Variants in MBD5 observed in about 807,000 individuals in gnomAD.
MBD5 encodes methyl-CpG-binding domain protein 5.
A neutral mutation model predicts 117.3 loss-of-function variants in MBD5; 13 were observed. The observed-to-expected ratio is 0.11, with a 90% CI of 0.07 to 0.18. The LOEUF (loss-of-function observed/expected upper bound fraction) is 0.18. Ranked by LOEUF, MBD5 falls within the 10% of genes least tolerant of loss-of-function variation. The pLI is 1.00. For missense variants in MBD5, 1,879 were observed against 2,093.8 expected (o/e 0.90, Z 2.00); for synonymous variants, 727 against 766.4 (o/e 0.95, Z 0.85).
intron 3 of MBD5, among the ~76,000 whole-genome samples, chr2:148,281,803 T>G (rs2106385193): frequency 6.6e-6 from 1 of 152,280 alleles, no homozygotes; most frequent in East Asian, 1.9e-4. Context: ...ATATAATGGT[T>G]TATCCCCAAA....
intron 4 of MBD5, among the ~76,000 whole-genome samples, chr2:148,383,879 A>C (rs1255753055): frequency 6.6e-6 from 1 of 152,224 alleles, no homozygotes; most frequent in Non-Finnish European, 1.5e-5. Flanking sequence ...ATCTCAATAA[A>C]TGTAGAAAAG....
intron 2 of MBD5, among the ~76,000 whole-genome samples, chr2:148,228,572 C>T (rs1393628476): frequency 6.6e-6 from 1 of 151,966 alleles, no homozygotes; most frequent in Non-Finnish European, 1.5e-5. Flanking sequence ...CTAAAATTCT[C>T]TTTTTGCTGT....
rs2105131988 is a variant in MBD5, at chr2:148,490,401, G to A, written c.4769G>A (p.Ser1590Asn). 3 of 1,614,138 alleles carry A rather than the reference G, an allele frequency of 1.9e-6. No individual in the cohort carries two copies. The highest frequency in any genetic ancestry group is 2.2e-5 in the East Asian group (1 of 44,874). ...GTGCCTAGCCCTTCAGATGCTAAAA[G>A]CATTAGTAGTGAAGATGACCTAAGG... Reference protein sequence around the residue: ...GCVPSPSDAKSISSEDDLRNP... With the variant: ...GCVPSPSDAKNISSEDDLRNP... Residue 1590 changes from serine to asparagine, a missense_variant, in exon 11 of 14, where the codon AGC (serine) becomes AAC (asparagine). Transcript: ENST00000642680.
intron 4 of MBD5, among the ~76,000 whole-genome samples, chr2:148,356,648 G>A (rs867903521): frequency 8.6e-5 from 13 of 151,990 alleles, no homozygotes; most frequent in South Asian, 2.1e-4. Context: ...CAATTTTTCC[G>A]TTTTCTTAGA....
intron 1 of MBD5, among the ~76,000 whole-genome samples, chr2:148,116,385 C>A (rs1696643239): frequency 6.6e-6 from 1 of 152,112 alleles, no homozygotes; most frequent in Non-Finnish European, 1.5e-5. Context: ...GTTGAAATGT[C>A]CTGCCAGACC....
chr2:148,151,260 A>G (rs1412760622), intron 1 of MBD5, among the ~76,000 whole-genome samples: 1 of 151,860 alleles, frequency 6.6e-6, no homozygotes, highest in Non-Finnish European at 1.5e-5. Context: ...ATTTGCATAT[A>G]TTGAACCAGC....
chr2:148,283,449 G>A (rs143129286), intron 3 of MBD5, among the ~76,000 whole-genome samples: 283 of 152,174 alleles, frequency 1.9e-3, no homozygotes, highest in African/African-American at 6.5e-3. Flanking sequence ...AGAATCCTTT[G>A]CTCTTTCAGT....
Position 148,245,950 on chromosome 2 carries a change from T to C in MBD5, c.-680+12555T>C, listed in dbSNP as rs564223463. ...CTTTTGCTTAGCTGTAAAGTATAGA[T>C]GAAAATATTAAACTGATTGGTATGT... is the stretch of plus-strand genomic sequence containing the variant. On this transcript the variant is annotated intron_variant, in intron 3 of 13. Coordinates refer to ENST00000642680, the MANE Select transcript of MBD5 (RefSeq NM_001378120.1). Among the ~76,000 whole-genome samples, 242 of 152,280 alleles carry C rather than the reference T, an allele frequency of 1.6e-3. 4 individuals are homozygous for C. In the South Asian group the frequency reaches 0.05, roughly 31 times the overall value.
intron 1 of MBD5, among the ~76,000 whole-genome samples, chr2:148,084,717 A>G (rs959684102): frequency 3.9e-5 from 6 of 152,116 alleles, no homozygotes; most frequent in Non-Finnish European, 5.9e-5. Flanking sequence ...GTGCATTACC[A>G]TGAAATTTTT....
chr2:148,501,380 G>T (rs1681866897), intron 11 of MBD5, among the ~76,000 whole-genome samples: 1 of 152,124 alleles, frequency 6.6e-6, no homozygotes, highest in Admixed American at 6.5e-5. Flanking sequence ...GGATTGGAGG[G>T]GAGTAGCAGG....
At chr2:148,345,130 T>C (rs534725413) in intron 4 of MBD5, among the ~76,000 whole-genome samples, 99 of 151,514 alleles carry the variant, frequency 6.5e-4, no homozygotes, top group Non-Finnish European at 1.3e-3. Flanking sequence ...CAGTTTGGAG[T>C]TGTATTAGTG....
intron 2 of MBD5, among the ~76,000 whole-genome samples, chr2:148,182,569 T>G (rs1354029878): frequency 1.3e-5 from 2 of 152,250 alleles, no homozygotes; most frequent in Non-Finnish European, 2.9e-5. Flanking sequence ...TGTTTGCTCC[T>G]TTTAAGAAAG....
intron 4 of MBD5, among the ~76,000 whole-genome samples, chr2:148,448,903 T>C (rs1219753408): frequency 6.6e-6 from 1 of 152,042 alleles, no homozygotes; most frequent in African/African-American, 2.4e-5. Flanking sequence ...TACTCTTAAA[T>C]TGGTTATGTA....
intron 3 of MBD5, among the ~76,000 whole-genome samples, chr2:148,325,136 T>G (rs1702409497): frequency 6.6e-6 from 1 of 152,240 alleles, no homozygotes. Flanking sequence ...CTGGATTATA[T>G]TTATTGATTT....
At chr2:148,371,538 A>G (rs1400201301) in intron 4 of MBD5, among the ~76,000 whole-genome samples, 2 of 152,186 alleles carry the variant, frequency 1.3e-5, no homozygotes, top group African/African-American at 4.8e-5. Flanking sequence ...ACTAGGCTAT[A>G]AATATTACGT....
intron 1 of MBD5, among the ~76,000 whole-genome samples, chr2:148,051,345 TTA>T (rs1021958701): frequency 1.6e-4 from 25 of 152,052 alleles, no homozygotes; most frequent in African/African-American, 5.6e-4. Context: ...ATACATAAGA[TTA>T]TGTCATCTGC....
chr2:148,162,069 G>C (rs1455794453), intron 1 of MBD5, among the ~76,000 whole-genome samples: 2 of 152,180 alleles, frequency 1.3e-5, no homozygotes, highest in Admixed American at 1.3e-4. Flanking sequence ...TAAGCTGTAA[G>C]ACTGCCTTTG....
At chr2:148,401,310 C>A (rs114240345) in intron 4 of MBD5, among the ~76,000 whole-genome samples, 2,341 of 152,118 alleles carry the variant, frequency 0.015, 61 homozygotes, top group African/African-American at 0.053. Flanking sequence ...CGGTTTAAAG[C>A]CTGGCTGGTT....
At chr2:148,371,428 T>TA (rs1385748472) in intron 4 of MBD5, among the ~76,000 whole-genome samples, 3 of 152,060 alleles carry the variant, frequency 2.0e-5, no homozygotes, top group Non-Finnish European at 4.4e-5. Flanking sequence ...TGTAACATAT[T>TA]AAAAAAAGAG....
Sources: allele counts gnomAD v4.1 joint callset (sites outside exome capture counted in the v4.1 genomes callset), GRCh38; gene constraint gnomAD v4.1.1; transcripts MANE v1.5; gene names NCBI Gene and HGNC (gene_info 2026-07-23, HGNC 2026-07-21).